MALRD1: variants seen among roughly 807,000 people sequenced by gnomAD.
MALRD1 encodes the protein MAM and LDL-receptor class A domain-containing protein 1.
MALRD1 carries 247 observed loss-of-function variants against 242.1 expected under a neutral mutation model. That is an observed-to-expected ratio of 1.02 (90% CI 0.92 to 1.13). MALRD1 has a LOEUF of 1.13. Ranked by LOEUF, MALRD1 falls within the 50% of genes most tolerant of loss-of-function variation. The pLI, the probability that MALRD1 is intolerant of heterozygous loss-of-function variation, is 0.00. For missense variants in MALRD1, 2,989 were observed against 2,533.1 expected, an observed-to-expected ratio of 1.18 and a Z score of -3.86; for synonymous variants, 995 against 866.6, an observed-to-expected ratio of 1.15 and a Z score of -2.60.
At chr10:19,580,056 T>C (rs1375700295) in intron 33 of MALRD1, among the ~76,000 whole-genome samples, 1 of 152,150 alleles carries the variant, frequency 6.6e-6, no homozygotes, top group Admixed American at 6.5e-5. Flanking sequence ...CGTATGGAAA[T>C]GATTAAACAG....
chr10:19,508,958 C>T (rs1206834586), intron 31 of MALRD1, among the ~76,000 whole-genome samples: 2 of 152,120 alleles, frequency 1.3e-5, no homozygotes, highest in Non-Finnish European at 2.9e-5. Context: ...TACACACTTG[C>T]AGCAAGAAGT....
intron 31 of MALRD1, among the ~76,000 whole-genome samples, chr10:19,515,612 C>G (rs1833591631): frequency 6.6e-6 from 1 of 151,794 alleles, no homozygotes; most frequent in African/African-American, 2.4e-5. Context: ...CAGGCTGGAG[C>G]ACAGTGGCCC....
intron 18 of MALRD1, among the ~76,000 whole-genome samples, chr10:19,239,019 A>G (rs1344420081): frequency 6.8e-6 from 1 of 147,958 alleles, no homozygotes; most frequent in Admixed American, 6.7e-5. Flanking sequence ...GACCATTTCT[A>G]TATTTTCTCT....
chr10:19,270,219 G>C (rs1341379769), intron 19 of MALRD1, among the ~76,000 whole-genome samples: 1 of 152,124 alleles, frequency 6.6e-6, no homozygotes, highest in Non-Finnish European at 1.5e-5. Flanking sequence ...AGGACGCTGA[G>C]GCACAAGAAT....
At chr10:19,160,831 T>C (rs1319973418) in intron 12 of MALRD1, among the ~76,000 whole-genome samples, 6 of 118,266 alleles carry the variant, frequency 5.1e-5, no homozygotes, top group Non-Finnish European at 7.0e-5. Context: ...TTTTTTATTG[T>C]GTCTATTTGA....
chr10:19,719,219 C>T (rs11011263), intron 38 of MALRD1, among the ~76,000 whole-genome samples: 13,608 of 30,058 alleles, frequency 0.45, 2,066 homozygotes, highest in African/African-American at 0.57. Context: ...TATACACATA[C>T]ATACATATAT....
At chr10:19,427,420 A>G (rs1481566754) in intron 28 of MALRD1, among the ~76,000 whole-genome samples, 2 of 152,226 alleles carry the variant, frequency 1.3e-5, no homozygotes, top group Non-Finnish European at 2.9e-5. Context: ...TAAAATGTCC[A>G]GATAATAGAT....
intron 14 of MALRD1, among the ~76,000 whole-genome samples, chr10:19,196,088 G>A (rs1442368958): frequency 1.3e-5 from 2 of 152,134 alleles, no homozygotes; most frequent in African/African-American, 2.4e-5. Flanking sequence ...TAAACTGTCC[G>A]TGTTTCTTTT....
At chr10:19,566,878 T>A (rs1005734543) in intron 32 of MALRD1, among the ~76,000 whole-genome samples, 4 of 152,074 alleles carry the variant, frequency 2.6e-5, no homozygotes, top group East Asian at 1.9e-4. Flanking sequence ...GTTATTTTTT[T>A]AAATTATTTG....
rs553547419 is a variant in MALRD1, at chr10:19,236,660, C to A, written c.2992-21024C>A. Among the ~76,000 whole-genome samples the A allele has an allele frequency of 5.9e-5, 9 of 152,170 alleles. No homozygotes were observed. The East Asian group carries it at 1.2e-3, about 20-fold the overall frequency. On this transcript the variant is annotated intron_variant, in intron 18 of 39. Coordinates refer to ENST00000454679, the MANE Select transcript of MALRD1 (RefSeq NM_001142308.3). ...ATAATTGTATATCCCATTTCAAAAG[C>A]ACATAAAAAGGAAGGTTACTGTATA...
At chr10:19,396,760 A>C (rs1185182351) in intron 28 of MALRD1, among the ~76,000 whole-genome samples, 1 of 152,126 alleles carries the variant, frequency 6.6e-6, no homozygotes, top group East Asian at 1.9e-4. Context: ...CATATTAATA[A>C]ATCTATAGAT....
At chr10:19,056,499 G>A (rs994429871) in intron 1 of MALRD1, among the ~76,000 whole-genome samples, 2 of 151,770 alleles carry the variant, frequency 1.3e-5, no homozygotes, top group Non-Finnish European at 2.9e-5. Context: ...TTTCTTATTA[G>A]TATATAGAAA....
chr10:19,327,416 T>C (rs1843178469), intron 22 of MALRD1, 147 bp from the exon 23 acceptor site: 2 of 583,606 alleles, frequency 3.4e-6, no homozygotes, highest in Non-Finnish European at 3.0e-6. Context: ...AACAAAGATA[T>C]CTAATAAAAA....
chr10:19,716,821 A>G (rs1382946816), intron 38 of MALRD1: 1 of 152,200 alleles, frequency 6.6e-6, no homozygotes. Context: ...TTGTACCATC[A>G]TGCATGTTAC....
At chr10:19,141,820 G>T (rs1833554203) in intron 10 of MALRD1, among the ~76,000 whole-genome samples, 1 of 152,124 alleles carries the variant, frequency 6.6e-6, no homozygotes, top group Admixed American at 6.5e-5. Context: ...TTAAACCAAG[G>T]ATCTTGTATG....
intron 30 of MALRD1, among the ~76,000 whole-genome samples, chr10:19,492,001 TA>T (rs1287127677): frequency 4.6e-5 from 7 of 151,402 alleles, no homozygotes; most frequent in African/African-American, 1.7e-4. Flanking sequence ...TTTTTTTTTC[TA>T]TTTTTTTTTC....
At chr10:19,163,136 CTAAA>C (rs1238806172) in intron 12 of MALRD1, among the ~76,000 whole-genome samples, 774 of 36,832 alleles carry the variant, frequency 0.021, 24 homozygotes, top group African/African-American at 0.073. Context: ...GAAACCCTGT[CTAAA>C]AAAAAAAAAA....
chr10:19,468,362 T>A (rs3904901), intron 29 of MALRD1, among the ~76,000 whole-genome samples: 123,879 of 152,076 alleles, frequency 0.81, 50,649 homozygotes, highest in East Asian at 1. Context: ...CTATACTAAG[T>A]TAAAATTTGT....
chr10:19,546,435 T>C (rs1835210042), intron 32 of MALRD1, among the ~76,000 whole-genome samples: 1 of 152,208 alleles, frequency 6.6e-6, no homozygotes, highest in Admixed American at 6.5e-5. Flanking sequence ...TGGAAACTCC[T>C]GTGTCAGAGC....
Sources: gnomAD v4.1 joint callset for allele counts (sites outside exome capture counted in the v4.1 genomes callset) on GRCh38, gnomAD v4.1.1 for gene constraint, MANE v1.5 for transcripts, NCBI Gene and HGNC (gene_info 2026-07-23, HGNC 2026-07-21) for gene names.